Variants in ABHD2 observed in about 807,000 individuals in gnomAD.
ABHD2 encodes the protein monoacylglycerol lipase ABHD2.
ABHD2 carries 20 observed loss-of-function variants against 48.1 expected under a neutral mutation model. The observed-to-expected ratio is 0.42, with a 90% CI of 0.29 to 0.60. ABHD2 has a LOEUF of 0.60. Among genes scored for constraint, ABHD2 ranks in the 20% least tolerant of loss-of-function variants. ABHD2 has a pLI of 0.24. For missense variants in ABHD2, 405 were observed against 550.9 expected, an observed-to-expected ratio of 0.74 and a Z score of 2.65; for synonymous variants, 209 against 214.2, an observed-to-expected ratio of 0.98 and a Z score of 0.21.
chr15:89,144,363 C>T (rs1050045418), intron 3 of ABHD2, among the ~76,000 whole-genome samples: 1 of 152,168 alleles, frequency 6.6e-6, no homozygotes, highest in Non-Finnish European at 1.5e-5. Flanking sequence ...AAACTCCTGA[C>T]CTCAAGTGAT....
chr15:89,095,740 T>C (rs1450054246), intron 1 of ABHD2, among the ~76,000 whole-genome samples: 2 of 152,352 alleles, frequency 1.3e-5, no homozygotes, highest in South Asian at 2.1e-4. Context: ...TTTTGTGCTA[T>C]GGATTTCCCA....
the ABHD2 span, among the ~76,000 whole-genome samples, chr15:89,055,663 A>G: frequency 6.6e-6 from 1 of 152,042 alleles, no homozygotes; most frequent in Non-Finnish European, 1.5e-5. Context: ...ATTATTGATA[A>G]TAGCAAAAAT....
At chr15:89,126,482 T>G (rs188446058) in intron 3 of ABHD2, among the ~76,000 whole-genome samples, 1 of 152,328 alleles carries the variant, frequency 6.6e-6, no homozygotes, top group Admixed American at 6.5e-5. Flanking sequence ...ATAGCCAACT[T>G]TTATCAGCCT....
rs56273566 is a variant in ABHD2 at position 89,102,769 on chromosome 15, G to A, written c.-106-10956G>A. Among the ~76,000 whole-genome samples, 5,056 of 152,346 alleles carry A rather than the reference G, an allele frequency of 0.033. 289 individuals carry two copies. Among genetic ancestry groups the A allele is most frequent in the African/African-American group, 0.11 (4,653 of 41,574 alleles). On this transcript the variant is annotated intron_variant, in intron 1 of 10. Transcript: ENST00000352732. This position sits in a 1 kb window ranked among gnomAD's most constrained non-coding sequence, Gnocchi z 4.8. ...CGTAGCTATCTGCTTCATGTGGGGC[G>A]CTCCTGCTCTGCAGTGTAGAGTATT...
chr15:89,046,839 A>G, the ABHD2 span, among the ~76,000 whole-genome samples: 1 of 152,022 alleles, frequency 6.6e-6, no homozygotes, highest in Non-Finnish European at 1.5e-5. Flanking sequence ...TGATCCTTTC[A>G]AAAAACCAGC....
chr15:89,143,434 G>A (rs563267837), intron 3 of ABHD2, among the ~76,000 whole-genome samples: 177 of 152,238 alleles, frequency 1.2e-3, no homozygotes, highest in African/African-American at 3.8e-3. Context: ...TTGGGAGGCC[G>A]AGGCGGGTGG....
chr15:89,160,492 G>GTTTTTT (rs34084756), intron 5 of ABHD2, among the ~76,000 whole-genome samples: 1 of 144,074 alleles, frequency 6.9e-6, no homozygotes. Context: ...CTGCCTACCT[G>GTTTTTT]TTTTTTTTTT....
chr15:89,078,209 A>G, the ABHD2 span, among the ~76,000 whole-genome samples: 2 of 152,208 alleles, frequency 1.3e-5, no homozygotes, highest in Admixed American at 6.5e-5. Context: ...AACAACTTAC[A>G]TTGAAACTAA....
At chr15:89,125,857 A>G (rs936133834) in intron 3 of ABHD2, among the ~76,000 whole-genome samples, 1 of 152,050 alleles carries the variant, frequency 6.6e-6, no homozygotes, top group African/African-American at 2.4e-5. Flanking sequence ...GAATTCATCC[A>G]CCTTCTCTAA....
the ABHD2 span, among the ~76,000 whole-genome samples, chr15:89,044,084 T>C: frequency 2.0e-5 from 3 of 152,044 alleles, no homozygotes; most frequent in African/African-American, 7.2e-5. Context: ...CCCCAGAGTG[T>C]GATGTTCCCC....
rs76373563 is a variant in ABHD2, at chr15:89,178,180, A to G, written c.722+2185A>G. On this transcript the variant is annotated intron_variant, in intron 6 of 10. Coordinates refer to ENST00000352732, the MANE Select transcript of ABHD2 (RefSeq NM_152924.5). ...CACAGAGAACTAACTTGCCCAGGCTAAGATCATGTGGTCCTGCATATGGGA... is the reference window on the plus strand; with the variant it reads ...CACAGAGAACTAACTTGCCCAGGCTGAGATCATGTGGTCCTGCATATGGGA... 2.9e-3 allele frequency among the ~76,000 whole-genome samples: 436 copies of G among 152,326 alleles called. 1 individual carries two copies. Among genetic ancestry groups the G allele is most frequent in the African/African-American group, 9.6e-3 (401 of 41,574 alleles).
intron 3 of ABHD2, among the ~76,000 whole-genome samples, chr15:89,128,112 G>T (rs2050164791): frequency 6.6e-6 from 1 of 152,188 alleles, no homozygotes; most frequent in East Asian, 1.9e-4. Context: ...ACTAACTTCA[G>T]TAGAGTCTTT....
the ABHD2 span, among the ~76,000 whole-genome samples, chr15:89,043,666 GGGAGGAGGAGAA>G: frequency 1.6e-5 from 2 of 123,854 alleles, no homozygotes; most frequent in African/African-American, 3.0e-5. Context: ...GAGGAGGAGA[GGGAGGAGGAGAA>G]GGAGGAGGGG....
the ABHD2 span, among the ~76,000 whole-genome samples, chr15:89,047,795 G>C: frequency 6.8e-6 from 1 of 147,544 alleles, no homozygotes; most frequent in South Asian, 2.1e-4. Flanking sequence ...GTGTGTCTCT[G>C]CATGTGAGAT....
intron 1 of ABHD2, among the ~76,000 whole-genome samples, chr15:89,101,053 T>A (rs1369016344): frequency 6.6e-6 from 1 of 152,248 alleles, no homozygotes; most frequent in East Asian, 1.9e-4. Context: ...CTTCTAATGG[T>A]ATTTCAGTAT....
chr15:89,201,763 T>C lies in ABHD2; in HGVS notation c.*6340T>C. 6.5e-7 allele frequency: 1 copy of C among 1,534,572 alleles called. No individual in the cohort carries two copies. The highest frequency in any genetic ancestry group is 9.0e-7 in the Non-Finnish European group (1 of 1,108,924). On this transcript the variant is annotated 3_prime_UTR_variant, in exon 11 of 11. Coordinates refer to ENST00000352732, the MANE Select transcript of ABHD2 (RefSeq NM_152924.5). ...TCTATGGGCGGGTCGAGGACCAGGA[T>C]CTGCTCGTGCTTCGCCGTGGCCCCG...
chr15:89,201,859 C>G lies in ABHD2; in HGVS notation c.*6436C>G, dbSNP rs761791020. 8.4e-6 allele frequency: 7 copies of G among 837,526 alleles called. No homozygotes were observed. The African/African-American group carries it at 1.2e-4, about 14-fold the overall frequency. The allele number at this position is 837,526 out of a possible 1,614,324, so 51.9% of individuals were successfully genotyped here. On this transcript the variant is annotated 3_prime_UTR_variant, in exon 11 of 11. Coordinates refer to ENST00000352732, the MANE Select transcript of ABHD2 (RefSeq NM_152924.5). ...GCTCGCTGGGGGCGGGGGACGATGG[C>G]GAGAGGGGAGGGGGAGCGAGTTCGC...
intron 3 of ABHD2, among the ~76,000 whole-genome samples, chr15:89,141,398 C>T (rs993835649): frequency 2.0e-5 from 3 of 152,130 alleles, no homozygotes; most frequent in Non-Finnish European, 2.9e-5. Flanking sequence ...TTTGGAAGGC[C>T]GAGGTGGGCA....
intron 7 of ABHD2, among the ~76,000 whole-genome samples, chr15:89,187,273 T>C (rs1036142799): frequency 5.3e-5 from 8 of 152,250 alleles, no homozygotes; most frequent in African/African-American, 1.7e-4. Flanking sequence ...GAGTGTACTC[T>C]AAGTATTCAC....
Sources: gnomAD v4.1 joint callset for allele counts (sites outside exome capture counted in the v4.1 genomes callset) on GRCh38, gnomAD v4.1.1 for gene constraint, Gnocchi (gnomAD v3.1) non-coding constraint, MANE v1.5 for transcripts, NCBI Gene and HGNC (gene_info 2026-07-23, HGNC 2026-07-21) for gene names.